Variants in GRIK2 observed in about 807,000 individuals in gnomAD.
The protein encoded by GRIK2 is glutamate ionotropic receptor kainate type subunit 2.
In GRIK2, 32 loss-of-function variants were observed where a neutral mutation model predicts 100.3. The ratio of observed to expected loss-of-function variants is 0.32; its 90% confidence interval spans 0.24 to 0.43. The LOEUF (loss-of-function observed/expected upper bound fraction) is 0.43, where lower values mean the gene tolerates loss of function less well. Among genes scored for constraint, GRIK2 ranks in the 20% least tolerant of loss-of-function variants. The pLI is 1.00. For missense variants in GRIK2, 843 were observed against 1,114.9 expected (o/e 0.76, Z 3.47); for synonymous variants, 417 against 389.4 (o/e 1.07, Z -0.83).
At chr6:101,718,671 A>G (rs1774236046) in intron 7 of GRIK2, among the ~76,000 whole-genome samples, 1 of 151,892 alleles carries the variant, frequency 6.6e-6, no homozygotes, top group Non-Finnish European at 1.5e-5. Context: ...CAAGGATTCT[A>G]CTTTTTTGTA....
intron 2 of GRIK2, among the ~76,000 whole-genome samples, chr6:101,409,449 T>G (rs1411213758): frequency 6.6e-6 from 1 of 152,102 alleles, no homozygotes. Flanking sequence ...TGTATATACA[T>G]AATATGTCTA....
chr6:102,021,655 A>C (rs745899046), intron 14 of GRIK2, among the ~76,000 whole-genome samples: 4 of 151,494 alleles, frequency 2.6e-5, no homozygotes, highest in Non-Finnish European at 5.9e-5. Flanking sequence ...CTCGTATATT[A>C]TATTCAGTTT....
intron 9 of GRIK2, among the ~76,000 whole-genome samples, chr6:101,804,599 A>C (rs1459818359): frequency 1.3e-5 from 2 of 151,974 alleles, no homozygotes; most frequent in Admixed American, 6.6e-5. Flanking sequence ...CCAGGTAGGA[A>C]AAGGGAGATA....
intron 7 of GRIK2, among the ~76,000 whole-genome samples, chr6:101,765,971 T>C (rs1778023657): frequency 6.6e-6 from 1 of 152,140 alleles, no homozygotes; most frequent in Non-Finnish European, 1.5e-5. Context: ...ATTTAAAAAA[T>C]GTTGCATATG....
chr6:101,725,222 A>G (rs2037621505), intron 7 of GRIK2, among the ~76,000 whole-genome samples: 1 of 151,978 alleles, frequency 6.6e-6, no homozygotes, highest in Admixed American at 6.6e-5. Context: ...TAGTTCTTGT[A>G]CCTTTTACCA....
intron 11 of GRIK2, among the ~76,000 whole-genome samples, chr6:101,867,328 A>G (rs1052283724): frequency 9.9e-5 from 15 of 152,008 alleles, no homozygotes; most frequent in African/African-American, 3.4e-4. Flanking sequence ...CTCAGACGAT[A>G]GAGACATTAG....
chr6:101,753,214 C>T (rs888111126), intron 7 of GRIK2, among the ~76,000 whole-genome samples: 1 of 143,424 alleles, frequency 7.0e-6, no homozygotes, highest in Non-Finnish European at 1.5e-5. Flanking sequence ...ACCTGGGAGG[C>T]GGAGCTTGCA....
At chr6:101,693,068 T>G (rs1164560774) in intron 7 of GRIK2, among the ~76,000 whole-genome samples, 2 of 152,154 alleles carry the variant, frequency 1.3e-5, no homozygotes, top group Non-Finnish European at 2.9e-5. Context: ...CCTCCATTGT[T>G]TTATTAACAT....
At chr6:101,678,429 T>C (rs147960209) in intron 5 of GRIK2, among the ~76,000 whole-genome samples, 7 of 152,216 alleles carry the variant, frequency 4.6e-5, no homozygotes, top group East Asian at 3.9e-4. Context: ...GATGAAAAAT[T>C]AGAAAATAGG....
At chr6:101,736,888 T>C (rs1421165563) in intron 7 of GRIK2, among the ~76,000 whole-genome samples, 1 of 152,200 alleles carries the variant, frequency 6.6e-6, no homozygotes, top group East Asian at 1.9e-4. Flanking sequence ...TATGCTCTGC[T>C]TCCCTTATTA....
chr6:101,539,818 T>C (rs934729532), intron 2 of GRIK2, among the ~76,000 whole-genome samples: 9 of 151,860 alleles, frequency 5.9e-5, no homozygotes, highest in African/African-American at 2.2e-4. Context: ...CCAGAAATTT[T>C]ACCTTCGAGC....
chr6:101,603,724 G>A (rs1228830723), intron 2 of GRIK2, among the ~76,000 whole-genome samples: 1 of 151,586 alleles, frequency 6.6e-6, no homozygotes, highest in African/African-American at 2.4e-5. Context: ...TTTGAGTGAT[G>A]AAAGGGTCAG....
At chr6:101,428,955 A>G (rs1426465663) in intron 2 of GRIK2, among the ~76,000 whole-genome samples, 2 of 152,188 alleles carry the variant, frequency 1.3e-5, no homozygotes, top group African/African-American at 4.8e-5. Flanking sequence ...GACTTGCTGC[A>G]TTAGAATTCT....
At chr6:101,589,728 C>T (rs1778550927) in intron 2 of GRIK2, among the ~76,000 whole-genome samples, 1 of 151,998 alleles carries the variant, frequency 6.6e-6, no homozygotes, top group African/African-American at 2.4e-5. Context: ...AACTGGTTTA[C>T]TAGCTCATGA....
rs1309481654 is a variant in GRIK2, at chr6:102,025,882, T to A, written c.2086-9459T>A. The stretch of plus-strand genomic sequence containing the variant: ...TAATCTAGTGAATTATTAAATAGAA[T>A]AAGTTGAGTTTTAAACTAAAACTTT... On this transcript the variant is annotated intron_variant, in intron 14 of 16. Transcript: ENST00000369134. Among the ~76,000 whole-genome samples, 3 of 150,730 alleles carry A rather than the reference T, an allele frequency of 2.0e-5. No homozygotes were observed. In the Admixed American group the frequency reaches 2.0e-4, roughly 10 times the overall value.
intron 7 of GRIK2, among the ~76,000 whole-genome samples, chr6:101,702,264 G>T (rs557209828): frequency 6.4e-4 from 97 of 151,940 alleles, no homozygotes; most frequent in African/African-American, 2.2e-3. Context: ...GAAAATCATG[G>T]ATAATCCATT....
At chr6:101,882,519 T>C (rs914683104) in intron 11 of GRIK2, among the ~76,000 whole-genome samples, 58 of 152,214 alleles carry the variant, frequency 3.8e-4, no homozygotes, top group African/African-American at 1.4e-3. Context: ...TATTTCACCA[T>C]TAGCAAGAAG....
At chr6:101,783,334 T>C (rs9404146) in intron 7 of GRIK2, among the ~76,000 whole-genome samples, 1 of 119,396 alleles carries the variant, frequency 8.4e-6, no homozygotes, top group Non-Finnish European at 1.7e-5. Flanking sequence ...CTCTCTCTCT[T>C]GCCACCATGT....
intron 14 of GRIK2, among the ~76,000 whole-genome samples, chr6:101,951,644 C>A (rs1791613067): frequency 6.6e-6 from 1 of 152,118 alleles, no homozygotes; most frequent in African/African-American, 2.4e-5. Flanking sequence ...GGCCCAGTGG[C>A]AAGTAATTGA....
Sources: allele counts gnomAD v4.1 joint callset (sites outside exome capture counted in the v4.1 genomes callset), GRCh38; gene constraint gnomAD v4.1.1; transcripts MANE v1.5; gene names NCBI Gene and HGNC (gene_info 2026-07-23, HGNC 2026-07-21).